The following HTR7 variants were observed in gnomAD, a reference collection of about 807,000 sequenced individuals.
The protein encoded by HTR7 is 5-hydroxytryptamine receptor 7, also known as 5-HT-7.
Under a neutral mutation model 34.0 loss-of-function variants are expected in HTR7, and 16 were observed. That is an observed-to-expected ratio of 0.47 (90% CI 0.32 to 0.71). The LOEUF is 0.71. Ranked by LOEUF, HTR7 falls within the 30% of genes least tolerant of loss-of-function variation. The probability of loss-of-function intolerance (pLI) is 0.04; values close to 1 mark genes in which losing one functional copy is unlikely to be tolerated. For synonymous variants in HTR7, 265 were observed against 260.2 expected (o/e 1.02, Z -0.18); for missense variants, 504 against 625.5 (o/e 0.81, Z 2.07).
intron 1 of HTR7, among the ~76,000 whole-genome samples, chr10:90,760,080 T>G (rs987029384): frequency 1.1e-4 from 17 of 152,200 alleles, no homozygotes; most frequent in South Asian, 1.0e-3. Flanking sequence ...TGTAGCACTA[T>G]TCACAATAGC....
At chr10:90,791,542 A>G (rs1366031690) in intron 1 of HTR7, among the ~76,000 whole-genome samples, 2 of 152,062 alleles carry the variant, frequency 1.3e-5, no homozygotes, top group Non-Finnish European at 2.9e-5. Context: ...GTATGTAAGC[A>G]TTTTAGTTTG....
At chr10:90,852,262 A>G (rs1282949217) in intron 1 of HTR7, among the ~76,000 whole-genome samples, 1 of 152,130 alleles carries the variant, frequency 6.6e-6, no homozygotes, top group East Asian at 1.9e-4. Context: ...CTAACTGGGC[A>G]GAAGAAAATG....
intron 1 of HTR7, among the ~76,000 whole-genome samples, chr10:90,850,384 T>G (rs1039193042): frequency 6.6e-6 from 1 of 152,240 alleles, no homozygotes; most frequent in African/African-American, 2.4e-5. Context: ...CAGTCCCTAA[T>G]TGGATTAAAA....
In HTR7 at chr10:90,744,231, C is replaced by T. The variant is rs117799728; in HGVS notation, c.1296-541G>A. Among the ~76,000 whole-genome samples the T allele has an allele frequency of 6.5e-3, 973 of 150,082 alleles. 10 individuals carry two copies. Among genetic ancestry groups the T allele is most frequent in the Middle Eastern group, 0.014 (4 of 294 alleles). On this transcript the variant is annotated intron_variant, in intron 2 of 3. Coordinates refer to ENST00000336152, the MANE Select transcript of HTR7 (RefSeq NM_019859.4). ...AGCAAAGGGTTCTGATTACAAGTCTCCTACTAGCCACCACCACCTCTGCAG... is the reference window on the plus strand; with the variant it reads ...AGCAAAGGGTTCTGATTACAAGTCTTCTACTAGCCACCACCACCTCTGCAG...
At chr10:90,853,465 C>CTTTTTTT (rs201331383) in intron 1 of HTR7, among the ~76,000 whole-genome samples, 1 of 143,898 alleles carries the variant, frequency 6.9e-6, no homozygotes, top group African/African-American at 2.6e-5. Context: ...TGTTTCTTTT[C>CTTTTTTT]TTTTCTTTTT....
At position 90,857,119 on chromosome 10, in the gene HTR7, G is replaced by T. The variant is rs1188771184; in HGVS notation, c.539+14C>A. The T allele has an allele frequency of 6.5e-7, 1 of 1,539,158 alleles. No homozygotes were observed. The highest frequency in any genetic ancestry group is 1.4e-5 in the African/African-American group (1 of 73,210). The stretch of plus-strand genomic sequence containing the variant: ...CCCCAGCCGGAGCCTGGGACGGGGC[G>T]GTCCGGCCCTTACCTGTCAATGCTG... On this transcript the variant is annotated intron_variant, in intron 1 of 3. Coordinates refer to ENST00000336152, the MANE Select transcript of HTR7 (RefSeq NM_019859.4). The surrounding 1 kb of genome is among the most constrained non-coding windows in gnomAD (Gnocchi z 6.5).
At chr10:90,824,228 C>T (rs1048879406) in intron 1 of HTR7, among the ~76,000 whole-genome samples, 1 of 152,246 alleles carries the variant, frequency 6.6e-6, no homozygotes, top group African/African-American at 2.4e-5. Context: ...GGTCCCCATT[C>T]CATTTCCTAG....
At chr10:90,800,409 C>T (rs1432299641) in intron 1 of HTR7, among the ~76,000 whole-genome samples, 1 of 152,202 alleles carries the variant, frequency 6.6e-6, no homozygotes, top group Non-Finnish European at 1.5e-5. Context: ...AGCTGAGTCA[C>T]AGTGACAAGG....
At position 90,857,579 on chromosome 10, in the gene HTR7, C is replaced by G; in HGVS notation, c.93G>C (p.Leu31Phe). 2 of 1,594,828 alleles carry G rather than the reference C, an allele frequency of 1.3e-6. No individual in the cohort carries two copies. The highest frequency in any genetic ancestry group is 1.7e-6 in the Non-Finnish European group (2 of 1,172,470). Residue 31 changes from leucine to phenylalanine, a missense_variant, in exon 1 of 4, where the codon TTG (leucine) becomes TTC (phenylalanine). By Grantham distance (22) the Leu-to-Phe change is conservative (BLOSUM62 0). This residue lies in a region of HTR7 where 139 missense variants were observed against 117.1 expected (regional missense o/e 1.19). Transcript: ENST00000336152. The surrounding 1 kb of genome is among the most constrained non-coding windows in gnomAD (Gnocchi z 6.5). ...CCGGGTCGGCGCCACCGTCGGGGCT[C>G]AAGTCGGGCAGCCCGCGCCCCACTT... ...LPEVGRGLPD[L>F]SPDGGADPVA...
Position 90,857,695 on chromosome 10 carries a change from A to C in HTR7, c.-24T>G. ...ATCGCGCCGCCGTGTGCCGCTGCCC[A>C]TGGAGCCGGCGCCCCGGCCACGCGC... On this transcript the variant is annotated 5_prime_UTR_variant, in exon 1 of 4. It removes an upstream start codon present in the reference 5' UTR. Transcript: ENST00000336152. The surrounding 1 kb of genome is among the most constrained non-coding windows in gnomAD (Gnocchi z 6.5). 3.4e-6 allele frequency: 5 copies of C among 1,484,612 alleles called. No homozygotes were observed. Among genetic ancestry groups the C allele is most frequent in the Non-Finnish European group, 4.4e-6 (5 of 1,131,266 alleles). The allele number at this position is 1,484,612 out of a possible 1,614,324, so 92.0% of individuals were successfully genotyped here. A position where few individuals can be genotyped will look rare whatever the true frequency, so the allele number is the denominator to read the frequency against.
At chr10:90,841,532 C>T (rs901468089) in intron 1 of HTR7, among the ~76,000 whole-genome samples, 1 of 152,116 alleles carries the variant, frequency 6.6e-6, no homozygotes, top group Non-Finnish European at 1.5e-5. Flanking sequence ...TGGCTCATGG[C>T]CCCCTTCCAT....
intron 1 of HTR7, among the ~76,000 whole-genome samples, chr10:90,839,749 G>T (rs557995475): frequency 6.6e-6 from 1 of 152,134 alleles, no homozygotes; most frequent in Non-Finnish European, 1.5e-5. Context: ...GCACAAAAAG[G>T]CTGTTGGAAA....
At chr10:90,757,330 G>C (rs1170183310) in intron 1 of HTR7, among the ~76,000 whole-genome samples, 1 of 152,178 alleles carries the variant, frequency 6.6e-6, no homozygotes, top group Non-Finnish European at 1.5e-5. Context: ...AAGCCATGAA[G>C]AGCAGAAGCC....
chr10:90,743,489 C>A, intron 3 of HTR7, 104 bp downstream of exon 3: 1 of 913,986 alleles, frequency 1.1e-6, no homozygotes, highest in South Asian at 1.4e-5. Flanking sequence ...ACAGGAGAGA[C>A]AGTGCTTTCT....
chr10:90,795,249 A>G (rs1056952572), intron 1 of HTR7, among the ~76,000 whole-genome samples: 4 of 152,186 alleles, frequency 2.6e-5, no homozygotes, highest in African/African-American at 4.8e-5. Context: ...TTCCATAATA[A>G]CTGTATCAAT....
intron 1 of HTR7, among the ~76,000 whole-genome samples, chr10:90,802,783 GATCATGGA>G (rs1845649130): frequency 6.6e-6 from 1 of 152,168 alleles, no homozygotes; most frequent in African/African-American, 2.4e-5. Context: ...TAAAATTCAT[GATCATGGA>G]ATCAGTCCTT....
chr10:90,768,643 A>T (rs182031286), intron 1 of HTR7, among the ~76,000 whole-genome samples: 1 of 152,300 alleles, frequency 6.6e-6, no homozygotes, highest in East Asian at 1.9e-4. Context: ...GTGCATCAAG[A>T]GCTCCCTCAT....
intron 1 of HTR7, among the ~76,000 whole-genome samples, chr10:90,783,982 A>C (rs1845345510): frequency 6.6e-6 from 1 of 152,242 alleles, no homozygotes; most frequent in Non-Finnish European, 1.5e-5. Context: ...TAGAACATTT[A>C]GTTCTTGACA....
chr10:90,770,329 G>A (rs1259293265), intron 1 of HTR7, among the ~76,000 whole-genome samples: 2 of 152,192 alleles, frequency 1.3e-5, no homozygotes, highest in African/African-American at 2.4e-5. Flanking sequence ...AGCACAGTTG[G>A]GCACGGAGGG....
Sources: gnomAD v4.1 joint callset for allele counts (sites outside exome capture counted in the v4.1 genomes callset) on GRCh38, gnomAD v4.1.1 for gene constraint, gnomAD v4.1.1 regional missense constraint, Gnocchi (gnomAD v3.1) non-coding constraint, MANE v1.5 for transcripts, NCBI Gene and HGNC (gene_info 2026-07-23, HGNC 2026-07-21) for gene names.